Variants in CFAP20DC observed in about 807,000 individuals in gnomAD.
The protein encoded by CFAP20DC is CFAP20 domain containing.
In CFAP20DC, 84 loss-of-function variants were observed where a neutral mutation model predicts 101.7. The ratio of observed to expected loss-of-function variants is 0.83; its 90% CI spans 0.69 to 0.99. The LOEUF (loss-of-function observed/expected upper bound fraction) is 0.99. Ranked by LOEUF, CFAP20DC falls within the 50% of genes least tolerant of loss-of-function variation. The pLI is 0.00. For missense variants in CFAP20DC, 1,007 were observed against 970.3 expected (o/e 1.04, Z -0.50); for synonymous variants, 359 against 351.2 (o/e 1.02, Z -0.25).
At chr3:58,916,038 A>G (rs2084672059) in intron 5 of CFAP20DC, among the ~76,000 whole-genome samples, 1 of 152,086 alleles carries the variant, frequency 6.6e-6, no homozygotes, top group Admixed American at 6.6e-5. Flanking sequence ...TCTTGTGGCC[A>G]TGTAAATACT....
intron 4 of CFAP20DC, among the ~76,000 whole-genome samples, chr3:59,025,297 G>A (rs2093874388): frequency 6.6e-6 from 1 of 152,082 alleles, no homozygotes; most frequent in African/African-American, 2.4e-5. Flanking sequence ...TAAGTCAATA[G>A]TCAAGGAGGC....
intron 4 of CFAP20DC, among the ~76,000 whole-genome samples, chr3:59,036,351 C>T (rs1286499594): frequency 6.6e-6 from 1 of 152,144 alleles, no homozygotes; most frequent in East Asian, 1.9e-4. Context: ...GAGAGGGAGT[C>T]AAATTGTCCC....
chr3:58,871,012 T>C (rs560539025), intron 7 of CFAP20DC, among the ~76,000 whole-genome samples: 104 of 148,214 alleles, frequency 7.0e-4, no homozygotes, highest in African/African-American at 2.4e-3. Flanking sequence ...ACCTAACAAA[T>C]ATTTAACTGA....
chr3:58,861,808 A>C lies in CFAP20DC; in HGVS notation c.1593+1750T>G. 1 of 985,442 alleles carries C rather than the reference A, an allele frequency of 1.0e-6. No individual in the cohort carries two copies. The highest frequency in any genetic ancestry group is 1.2e-6 in the Non-Finnish European group (1 of 829,930). 61.0% of individuals were successfully genotyped at this position (985,442 alleles called of 1,614,324 possible). On this transcript the variant is annotated intron_variant, in intron 12 of 16. Transcript: ENST00000482387. This position sits in a 1 kb window ranked among gnomAD's most constrained non-coding sequence, Gnocchi z 4.0. ...AGACTCTAGCCGTATGCTACTGGTC[A>C]CCTTGATGGGCATGGCACAGGGGTG...
At chr3:58,932,079 G>A (rs2086786554) in intron 5 of CFAP20DC, among the ~76,000 whole-genome samples, 1 of 152,224 alleles carries the variant, frequency 6.6e-6, no homozygotes, top group Non-Finnish European at 1.5e-5. Context: ...AGTGCTTAAA[G>A]GAGCTGATGG....
chr3:58,951,764 G>C (rs180825974), intron 4 of CFAP20DC, among the ~76,000 whole-genome samples: 1 of 152,072 alleles, frequency 6.6e-6, no homozygotes, highest in South Asian at 2.1e-4. Flanking sequence ...TTGTGGGGTG[G>C]GGGGAGAGGG....
At position 58,894,824 on chromosome 3, in the gene CFAP20DC, C is replaced by A. The variant is rs182278059; in HGVS notation, c.551-10115G>T. 6.6e-6 allele frequency among the ~76,000 whole-genome samples: 1 copy of A among 152,222 alleles called. No individual in the cohort carries two copies. Among genetic ancestry groups the A allele is most frequent in the Non-Finnish European group, 1.5e-5 (1 of 68,040 alleles). On this transcript the variant is annotated intron_variant, in intron 6 of 16. Transcript: ENST00000482387. This position sits in a 1 kb window ranked among gnomAD's most constrained non-coding sequence, Gnocchi z 4.1. Reference sequence around the variant, plus strand: ...ACAAACTTGTGCCTGGGCATCCAGGCGTTTCCATATGTCCTCTGAAATCAA... The same window carrying A: ...ACAAACTTGTGCCTGGGCATCCAGGAGTTTCCATATGTCCTCTGAAATCAA...
chr3:58,810,914 G>A (rs9864913), intron 14 of CFAP20DC, among the ~76,000 whole-genome samples: 17,489 of 150,674 alleles, frequency 0.12, 1,852 homozygotes, highest in East Asian at 0.34. Flanking sequence ...CCAATAACAG[G>A]CAAACAGAGA....
intron 16 of CFAP20DC, among the ~76,000 whole-genome samples, chr3:58,743,805 A>T (rs2068014613): frequency 6.6e-6 from 1 of 152,210 alleles, no homozygotes. Flanking sequence ...GGACATTGAC[A>T]AACTGGAGTT....
Position 59,015,387 on chromosome 3 carries a change from A to C in CFAP20DC, c.278+24170T>G, listed in dbSNP as rs1432879724. ...AAAAATTAGGAAGAAGAAGAATAAA[A>C]GAAGTAAAAGGCAAAGGGCAAGAAT... is the stretch of plus-strand genomic sequence containing the variant. On this transcript the variant is annotated intron_variant, in intron 4 of 16. Transcript: ENST00000482387. The surrounding 1 kb of genome is among the most constrained non-coding windows in gnomAD (Gnocchi z 5.4). Among the ~76,000 whole-genome samples, 3 of 152,070 alleles carry C rather than the reference A, an allele frequency of 2.0e-5. No homozygotes were observed. Among genetic ancestry groups the C allele is most frequent in the Admixed American group, 6.6e-5 (1 of 15,238 alleles).
intron 14 of CFAP20DC, among the ~76,000 whole-genome samples, chr3:58,816,090 G>C (rs2075106542): frequency 6.6e-6 from 1 of 151,784 alleles, no homozygotes; most frequent in Admixed American, 6.6e-5. Context: ...ATTCACAATA[G>C]CAAAGACTGG....
intron 4 of CFAP20DC, among the ~76,000 whole-genome samples, chr3:58,947,736 C>T (rs7637398): frequency 0.018 from 2,742 of 152,164 alleles, 72 homozygotes; most frequent in African/African-American, 0.061. Flanking sequence ...ATTTAAAATA[C>T]GGTGCAAGTA....
At chr3:58,929,271 A>G (rs2086317944) in intron 5 of CFAP20DC, among the ~76,000 whole-genome samples, 1 of 152,204 alleles carries the variant, frequency 6.6e-6, no homozygotes, top group African/African-American at 2.4e-5. Context: ...CACATACATA[A>G]TACTCAGATT....
chr3:58,860,424 A>C (rs563433394), intron 12 of CFAP20DC, among the ~76,000 whole-genome samples: 5 of 152,290 alleles, frequency 3.3e-5, no homozygotes, highest in African/African-American at 1.2e-4. Flanking sequence ...TAGAGTTAGA[A>C]GGAGAGAAGA....
intron 5 of CFAP20DC, among the ~76,000 whole-genome samples, chr3:58,920,286 G>T (rs1429862821): frequency 3.3e-5 from 5 of 151,644 alleles, no homozygotes; most frequent in African/African-American, 1.2e-4. Context: ...AGAGATGGGG[G>T]TCTCCATATG....
At chr3:59,021,038 G>T (rs2093793890) in intron 4 of CFAP20DC, among the ~76,000 whole-genome samples, 1 of 151,988 alleles carries the variant, frequency 6.6e-6, no homozygotes, top group Non-Finnish European at 1.5e-5. Context: ...TTGCTGACAA[G>T]ATATAGAGGA....
chr3:58,933,384 A>T (rs1174444495), intron 5 of CFAP20DC, among the ~76,000 whole-genome samples: 1 of 151,642 alleles, frequency 6.6e-6, no homozygotes, highest in Non-Finnish European at 1.5e-5. Context: ...GTTAACAAGG[A>T]TACCCAGGAA....
chr3:58,904,849 G>C (rs1023580458), intron 6 of CFAP20DC, among the ~76,000 whole-genome samples: 1 of 152,094 alleles, frequency 6.6e-6, no homozygotes, highest in African/African-American at 2.4e-5. Flanking sequence ...TAGATTCTCC[G>C]TGGCTTCTGA....
chr3:58,983,316 T>C (rs928515992), intron 4 of CFAP20DC, among the ~76,000 whole-genome samples: 1 of 152,188 alleles, frequency 6.6e-6, no homozygotes, highest in Non-Finnish European at 1.5e-5. Context: ...CTTTGCCAAA[T>C]ATAAATCTGG....
Sources: gnomAD v4.1 joint callset for allele counts (sites outside exome capture counted in the v4.1 genomes callset) on GRCh38, gnomAD v4.1.1 for gene constraint, Gnocchi (gnomAD v3.1) non-coding constraint, MANE v1.5 for transcripts, NCBI Gene and HGNC (gene_info 2026-07-23, HGNC 2026-07-21) for gene names.